Variants in SRGAP1 observed in about 807,000 individuals in gnomAD.
The protein encoded by SRGAP1 is SLIT-ROBO Rho GTPase-activating protein 1.
In SRGAP1, 43 loss-of-function variants were observed where a neutral mutation model predicts 121.9. The observed-to-expected ratio is 0.35, with a 90% confidence interval of 0.28 to 0.46. The LOEUF (loss-of-function observed/expected upper bound fraction) is 0.46, where lower values mean the gene tolerates loss of function less well. Ranked by LOEUF, SRGAP1 falls within the 20% of genes least tolerant of loss-of-function variation. The pLI, the probability that SRGAP1 is intolerant of heterozygous loss-of-function variation, is 1.00. For synonymous variants in SRGAP1, 447 were observed against 485.4 expected, an observed-to-expected ratio of 0.92 and a Z score of 1.04; for missense variants, 1,102 against 1,350.9, an observed-to-expected ratio of 0.82 and a Z score of 2.89.
chr12:64,131,100 T>C (rs1049760643), intron 21 of SRGAP1, among the ~76,000 whole-genome samples: 1 of 152,214 alleles, frequency 6.6e-6, no homozygotes, highest in African/African-American at 2.4e-5. Context: ...GGCCACTTTG[T>C]TCATGGGCCC....
intron 19 of SRGAP1, 67 bp from the exon 20 acceptor site, chr12:64,127,523 C>T: frequency 6.7e-7 from 1 of 1,497,138 alleles, no homozygotes; most frequent in Non-Finnish European, 9.0e-7. Context: ...CATCTCCACT[C>T]ATCTAGCAAA....
chr12:63,949,328 A>G (rs1219208837), intron 1 of SRGAP1, among the ~76,000 whole-genome samples: 2 of 127,726 alleles, frequency 1.6e-5, no homozygotes, highest in African/African-American at 5.6e-5. Flanking sequence ...CTTAGTCACA[A>G]CTTGTTTTTT....
intron 6 of SRGAP1, among the ~76,000 whole-genome samples, chr12:64,047,531 A>G (rs1341301668): frequency 6.6e-6 from 1 of 152,194 alleles, no homozygotes; most frequent in Non-Finnish European, 1.5e-5. Context: ...TTTAATGCAC[A>G]GCATTTTGTA....
At chr12:64,067,952 C>G (rs1361297587) in intron 8 of SRGAP1, among the ~76,000 whole-genome samples, 2 of 151,878 alleles carry the variant, frequency 1.3e-5, no homozygotes, top group Non-Finnish European at 2.9e-5. Context: ...AGAATTTCAC[C>G]CAAGTTTTAA....
intron 1 of SRGAP1, among the ~76,000 whole-genome samples, chr12:63,957,384 A>G (rs555998589): frequency 2.1e-4 from 32 of 152,330 alleles, no homozygotes; most frequent in African/African-American, 7.7e-4. Context: ...GGAGACCACC[A>G]TGAACAGGAA....
intron 1 of SRGAP1, among the ~76,000 whole-genome samples, chr12:63,889,907 C>G (rs1431104659): frequency 1.5e-5 from 2 of 134,212 alleles, no homozygotes; most frequent in South Asian, 4.7e-4. Context: ...GACTCAGTCT[C>G]AAAAAAAAAA....
At chr12:63,939,673 A>C (rs1444080333) in intron 1 of SRGAP1, among the ~76,000 whole-genome samples, 1 of 152,192 alleles carries the variant, frequency 6.6e-6, no homozygotes, top group East Asian at 1.9e-4. Flanking sequence ...AGCAACCAAG[A>C]AGTAAAAAAC....
intron 12 of SRGAP1, chr12:64,091,854 G>A (rs765162740): frequency 3.0e-5 from 45 of 1,519,450 alleles, no homozygotes; most frequent in South Asian, 4.8e-5. Context: ...TTTACTCTTC[G>A]TCTTCTTTTT....
At chr12:64,053,538 G>C (rs1490651557) in intron 6 of SRGAP1, among the ~76,000 whole-genome samples, 1 of 152,164 alleles carries the variant, frequency 6.6e-6, no homozygotes, top group African/African-American at 2.4e-5. Flanking sequence ...TTGGAATCAA[G>C]TGGGAAGTGG....
chr12:64,053,516 C>T (rs1012892933), intron 6 of SRGAP1, among the ~76,000 whole-genome samples: 2 of 152,156 alleles, frequency 1.3e-5, no homozygotes, highest in Non-Finnish European at 2.9e-5. Context: ...TGTAAAATAA[C>T]AATCTCTTAG....
chr12:64,006,513 G>A (rs1273090212), intron 3 of SRGAP1, among the ~76,000 whole-genome samples: 1 of 152,160 alleles, frequency 6.6e-6, no homozygotes, highest in Non-Finnish European at 1.5e-5. Flanking sequence ...TGAGGAATTG[G>A]TATGTTGTTA....
chr12:63,955,937 G>T (rs548967790), intron 1 of SRGAP1, among the ~76,000 whole-genome samples: 1 of 152,280 alleles, frequency 6.6e-6, no homozygotes, highest in South Asian at 2.1e-4. Context: ...AAAGTACTCT[G>T]TGTTCTCAAA....
At chr12:63,967,042 T>G (rs572801656) in intron 1 of SRGAP1, among the ~76,000 whole-genome samples, 330 of 152,372 alleles carry the variant, frequency 2.2e-3, no homozygotes, top group Admixed American at 3.1e-3. Flanking sequence ...GTGCATTTAC[T>G]CATACAGTAC....
chr12:64,082,467 T>G (rs867788278), intron 10 of SRGAP1, among the ~76,000 whole-genome samples: 1 of 151,704 alleles, frequency 6.6e-6, no homozygotes, highest in African/African-American at 2.4e-5. Flanking sequence ...TTTTTTTTTT[T>G]GAAATGGAGT....
chr12:63,890,016 C>T (rs1298383649), intron 1 of SRGAP1, among the ~76,000 whole-genome samples: 1 of 152,140 alleles, frequency 6.6e-6, no homozygotes, highest in African/African-American at 2.4e-5. Context: ...GTCGTTTCTT[C>T]CTAACTGGTC....
intron 1 of SRGAP1, among the ~76,000 whole-genome samples, chr12:63,967,477 C>A (rs1199751935): frequency 1.3e-5 from 2 of 152,196 alleles, no homozygotes; most frequent in Admixed American, 1.3e-4. Flanking sequence ...GAGCAACTAG[C>A]ATGAGTCATA....
At chr12:63,873,927 G>A (rs899279908) in intron 1 of SRGAP1, among the ~76,000 whole-genome samples, 1 of 151,952 alleles carries the variant, frequency 6.6e-6, no homozygotes, top group East Asian at 2.0e-4. Context: ...AGCTACTCAG[G>A]AGGCTGAGGT....
chr12:64,127,451 A>C (rs1156821092), intron 19 of SRGAP1, 139 bp from the exon 20 acceptor site: 8 of 789,142 alleles, frequency 1.0e-5, no homozygotes, highest in African/African-American at 1.8e-5. Context: ...AAGTTATTTT[A>C]ATAAAAGAAG....
rs976541038 is a variant in SRGAP1, at chr12:64,160,593, T to A, written c.*17921T>A. On this transcript the variant is annotated 3_prime_UTR_variant, in exon 22 of 22. Coordinates refer to ENST00000355086, the MANE Select transcript of SRGAP1 (RefSeq NM_020762.4). ...ATGAATAATCAGTACCACTGGCATATGGCTACTCTCCTATTTTCCTTACCC... is the reference window on the plus strand; with the variant it reads ...ATGAATAATCAGTACCACTGGCATAAGGCTACTCTCCTATTTTCCTTACCC... The A allele has an allele frequency of 1.3e-5, 2 of 152,206 alleles. No individual in the cohort carries two copies. The highest frequency in any genetic ancestry group is 2.9e-5 in the Non-Finnish European group (2 of 68,030). The allele number at this position is 152,206 out of a possible 1,614,324, so 9.4% of individuals were successfully genotyped here.
Sources: gnomAD v4.1 joint callset for allele counts (sites outside exome capture counted in the v4.1 genomes callset) on GRCh38, gnomAD v4.1.1 for gene constraint, MANE v1.5 for transcripts, NCBI Gene and HGNC (gene_info 2026-07-23, HGNC 2026-07-21) for gene names.